GRIK2: variants seen among roughly 807,000 people sequenced by gnomAD.
The protein encoded by GRIK2 is glutamate ionotropic receptor kainate type subunit 2.
GRIK2 carries 32 observed loss-of-function variants against 100.3 expected under a neutral mutation model. The ratio of observed to expected loss-of-function variants is 0.32; its 90% confidence interval spans 0.24 to 0.43. The LOEUF (loss-of-function observed/expected upper bound fraction) is 0.43, where lower values mean the gene tolerates loss of function less well. Among genes scored for constraint, GRIK2 ranks in the 20% least tolerant of loss-of-function variants. The pLI, the probability that GRIK2 is intolerant of heterozygous loss-of-function variation, is 1.00. For synonymous variants in GRIK2, 417 were observed against 389.4 expected (o/e 1.07, Z -0.83); for missense variants, 843 against 1,114.9 (o/e 0.76, Z 3.47).
intron 2 of GRIK2, among the ~76,000 whole-genome samples, chr6:101,571,468 A>G (rs956544332): frequency 5.9e-5 from 9 of 152,066 alleles, no homozygotes; most frequent in African/African-American, 2.2e-4. Context: ...TGTGTTTTTA[A>G]TTCATATTTA....
rs573799379 is a variant in GRIK2 at position 101,711,957 on chromosome 6, T to G, written c.951+25604T>G. Among the ~76,000 whole-genome samples the G allele has an allele frequency of 2.3e-3, 348 of 151,926 alleles. 1 individual carries two copies. The highest frequency in any genetic ancestry group is 3.1e-3 in the Non-Finnish European group (207 of 67,864). ...GTTTCTATCAATATTCCTATAACAA[T>G]TGATTTAAAGATTGTATTTATTTTG... On this transcript the variant is annotated intron_variant, in intron 7 of 16. Transcript: ENST00000369134.
chr6:101,835,732 T>A (rs1205709114), intron 10 of GRIK2, among the ~76,000 whole-genome samples: 1 of 148,088 alleles, frequency 6.8e-6, no homozygotes, highest in Admixed American at 6.9e-5. Context: ...CCCAAAGTGC[T>A]GGGATTACAG....
intron 2 of GRIK2, among the ~76,000 whole-genome samples, chr6:101,589,925 G>T (rs951281730): frequency 6.6e-6 from 1 of 151,966 alleles, no homozygotes; most frequent in South Asian, 2.1e-4. Context: ...CTACTTGAAG[G>T]GGAAACTAAT....
chr6:101,813,700 A>T (rs1339182670), intron 9 of GRIK2, among the ~76,000 whole-genome samples: 1 of 152,298 alleles, frequency 6.6e-6, no homozygotes, highest in East Asian at 1.9e-4. Context: ...ACGGTGGCTC[A>T]TGCTTGTAAT....
At chr6:101,527,186 A>G (rs546671343) in intron 2 of GRIK2, among the ~76,000 whole-genome samples, 113 of 152,274 alleles carry the variant, frequency 7.4e-4, no homozygotes, top group Middle Eastern at 3.4e-3. Flanking sequence ...CCTTTTAGAA[A>G]AGTTAACTCT....
intron 3 of GRIK2, 35 bp downstream of exon 3, chr6:101,622,151 G>T: frequency 1.5e-6 from 2 of 1,316,690 alleles, no homozygotes; most frequent in Non-Finnish European, 2.1e-6. Flanking sequence ...TTGTTTCCTG[G>T]AATTCAAATT....
intron 14 of GRIK2, among the ~76,000 whole-genome samples, chr6:102,032,919 G>C (rs1410774381): frequency 6.6e-6 from 1 of 151,324 alleles, no homozygotes; most frequent in African/African-American, 2.4e-5. Flanking sequence ...TATATAGTGG[G>C]TAATTTAGTT....
At chr6:101,807,919 T>G (rs189381310) in intron 9 of GRIK2, among the ~76,000 whole-genome samples, 2 of 152,088 alleles carry the variant, frequency 1.3e-5, no homozygotes, top group Middle Eastern at 6.8e-3. Context: ...GGGAGAAGAA[T>G]AGCAAAAATA....
intron 2 of GRIK2, among the ~76,000 whole-genome samples, chr6:101,452,237 G>T (rs1172555103): frequency 3.3e-5 from 5 of 151,708 alleles, no homozygotes; most frequent in Non-Finnish European, 7.4e-5. Context: ...AATCAGCATA[G>T]TATGGTTCCT....
chr6:101,558,960 G>A (rs1227811745), intron 2 of GRIK2, among the ~76,000 whole-genome samples: 1 of 151,812 alleles, frequency 6.6e-6, no homozygotes, highest in African/African-American at 2.4e-5. Context: ...TGCTATTTCT[G>A]TATTCTTTAT....
At chr6:101,443,182 G>C (rs952755225) in intron 2 of GRIK2, among the ~76,000 whole-genome samples, 2 of 152,072 alleles carry the variant, frequency 1.3e-5, no homozygotes, top group Non-Finnish European at 2.9e-5. Flanking sequence ...GAGGCACATA[G>C]TTACTTAAGG....
intron 4 of GRIK2, among the ~76,000 whole-genome samples, chr6:101,644,222 C>A (rs1582882676): frequency 1.3e-5 from 2 of 151,732 alleles, no homozygotes; most frequent in Admixed American, 1.3e-4. Context: ...AGTGTTATGG[C>A]AAACTGGAAG....
intron 4 of GRIK2, among the ~76,000 whole-genome samples, chr6:101,668,325 G>A (rs1770182273): frequency 6.6e-6 from 1 of 152,074 alleles, no homozygotes; most frequent in Non-Finnish European, 1.5e-5. Flanking sequence ...ATAAAAAATT[G>A]GAGATTGGAT....
chr6:101,620,052 G>T (rs1207872824), intron 2 of GRIK2: 1 of 152,132 alleles, frequency 6.6e-6, no homozygotes, highest in African/African-American at 2.4e-5. Flanking sequence ...ATTCTTTATT[G>T]CAATTCTATG....
chr6:101,583,539 G>C (rs1046906866), intron 2 of GRIK2, among the ~76,000 whole-genome samples: 1 of 152,070 alleles, frequency 6.6e-6, no homozygotes, highest in East Asian at 1.9e-4. Context: ...TTGCCCTCTA[G>C]TCCTTAGCTT....
chr6:101,435,385 GA>G (rs1371135871), intron 2 of GRIK2, among the ~76,000 whole-genome samples: 17 of 88,062 alleles, frequency 1.9e-4, no homozygotes, highest in African/African-American at 8.1e-4. Flanking sequence ...GGCACACGGT[GA>G]TTTTTTTTTT....
At chr6:101,834,192 C>T (rs1339874137) in intron 10 of GRIK2, among the ~76,000 whole-genome samples, 4 of 152,068 alleles carry the variant, frequency 2.6e-5, no homozygotes, top group South Asian at 2.1e-4. Flanking sequence ...TTTACTGAAT[C>T]TCTTTCTCAC....
chr6:101,519,462 T>G (rs1489769554), intron 2 of GRIK2, among the ~76,000 whole-genome samples: 2 of 152,010 alleles, frequency 1.3e-5, no homozygotes, highest in Admixed American at 1.3e-4. Flanking sequence ...TTTATTGACA[T>G]GAAGAGACAG....
chr6:101,885,712 G>T (rs1719134719), intron 11 of GRIK2, among the ~76,000 whole-genome samples: 1 of 151,908 alleles, frequency 6.6e-6, no homozygotes, highest in Non-Finnish European at 1.5e-5. Flanking sequence ...ACTAACTGAG[G>T]ATATGGTAAA....
Sources: allele counts gnomAD v4.1 joint callset (sites outside exome capture counted in the v4.1 genomes callset), GRCh38; gene constraint gnomAD v4.1.1; transcripts MANE v1.5; gene names NCBI Gene and HGNC (gene_info 2026-07-23, HGNC 2026-07-21).